DHRS7B: variants seen among roughly 807,000 people sequenced by gnomAD.
The protein encoded by DHRS7B is peroxisomal reductase activating PPAR-gamma.
In DHRS7B, 24 loss-of-function variants were observed where a neutral mutation model predicts 26.4. The observed-to-expected ratio is 0.91, with a 90% CI of 0.66 to 1.28. The LOEUF (loss-of-function observed/expected upper bound fraction) is 1.28, where lower values mean the gene tolerates loss of function less well. Among genes scored for constraint, DHRS7B ranks in the 50% most tolerant of loss-of-function variants. DHRS7B has a pLI of 0.00. For synonymous variants in DHRS7B, 142 were observed against 166.4 expected (o/e 0.85, Z 1.13); for missense variants, 368 against 419.4 (o/e 0.88, Z 1.07).
chr17:21,130,304 C>T (rs1291294510), intron 1 of DHRS7B, among the ~76,000 whole-genome samples: 3 of 152,080 alleles, frequency 2.0e-5, no homozygotes, highest in African/African-American at 4.8e-5. Flanking sequence ...GCAGGAGAAT[C>T]GCTTGAACTG....
rs1203224159 is a variant in DHRS7B at position 21,184,434 on chromosome 17, G to A, written c.590G>A (p.Gly197Asp). ...ATTGTCGCCATCAGCAGCATCCAGG[G>A]CAAGATGAGCATTCCTTTTCGATCA... is the stretch of plus-strand genomic sequence containing the variant. ...GHIVAISSIQ[G>D]KMSIPFRSAY... The change falls in exon 5 of 7, where the codon GGC becomes GAC. Residue 197 changes from glycine to aspartate, a missense_variant. Transcript: ENST00000395511. 3 of 1,614,190 alleles carry A rather than the reference G, an allele frequency of 1.9e-6. No individual in the cohort carries two copies. Among genetic ancestry groups the A allele is most frequent in the Non-Finnish European group, 2.5e-6 (3 of 1,180,044 alleles).
chr17:21,127,132 C>A, intron 1 of DHRS7B, 141 bp downstream of exon 1: 1 of 840,874 alleles, frequency 1.2e-6, no homozygotes, highest in Non-Finnish European at 1.7e-6. Flanking sequence ...TCCGGATCCC[C>A]GCGACGCCGA....
chr17:21,186,129 A>G (rs1481983178), intron 5 of DHRS7B, among the ~76,000 whole-genome samples: 1 of 152,230 alleles, frequency 6.6e-6, no homozygotes, highest in Admixed American at 6.5e-5. Context: ...CAGGCTGAAT[A>G]TGGAGTGCCT....
intron 1 of DHRS7B, among the ~76,000 whole-genome samples, chr17:21,141,100 T>A (rs781117730): frequency 6.6e-6 from 1 of 152,128 alleles, no homozygotes; most frequent in Non-Finnish European, 1.5e-5. Flanking sequence ...TATATGCGAT[T>A]CCTGGACGAG....
intron 1 of DHRS7B, chr17:21,168,623 C>A: frequency 2.9e-6 from 2 of 683,750 alleles, no homozygotes; most frequent in Non-Finnish European, 3.6e-6. Flanking sequence ...CCTACCTCAG[C>A]CTCCCAAAGT....
chr17:21,149,229 A>C (rs988306715), intron 1 of DHRS7B, among the ~76,000 whole-genome samples: 13 of 151,984 alleles, frequency 8.6e-5, no homozygotes, highest in Admixed American at 3.9e-4. Flanking sequence ...GAAAAAAAAA[A>C]CCTGCCATTC....
intron 2 of DHRS7B, among the ~76,000 whole-genome samples, chr17:21,176,460 C>T (rs1974381608): frequency 6.6e-6 from 1 of 152,074 alleles, no homozygotes; most frequent in East Asian, 2.0e-4. Flanking sequence ...AATTAGCCAG[C>T]CATGGTGGCG....
chr17:21,128,204 C>A (rs954922993), intron 1 of DHRS7B: 12 of 152,272 alleles, frequency 7.9e-5, no homozygotes, highest in Non-Finnish European at 1.5e-5. Context: ...ATTGCTTGAA[C>A]CTGGGAGACA....
At chr17:21,142,457 A>G (rs1423031186) in intron 1 of DHRS7B, among the ~76,000 whole-genome samples, 1 of 152,136 alleles carries the variant, frequency 6.6e-6, no homozygotes, top group Non-Finnish European at 1.5e-5. Context: ...CTGAGTATAA[A>G]ACAATATAAA....
chr17:21,187,523 G>T (rs1304834986), intron 5 of DHRS7B, among the ~76,000 whole-genome samples: 2 of 151,724 alleles, frequency 1.3e-5, no homozygotes, highest in Non-Finnish European at 2.9e-5. Flanking sequence ...CTACTCGGGA[G>T]GCTGAGGGAG....
At chr17:21,145,016 T>C (rs1973610547) in intron 1 of DHRS7B, among the ~76,000 whole-genome samples, 1 of 151,854 alleles carries the variant, frequency 6.6e-6, no homozygotes, top group African/African-American at 2.4e-5. Context: ...CCCACCACTC[T>C]AGTGGATTAA....
At chr17:21,148,140 C>T (rs1233835305) in intron 1 of DHRS7B, among the ~76,000 whole-genome samples, 2 of 151,864 alleles carry the variant, frequency 1.3e-5, no homozygotes, top group Non-Finnish European at 2.9e-5. Flanking sequence ...GTGTCAAACT[C>T]CTGGGCTCAA....
At chr17:21,166,338 G>A in intron 1 of DHRS7B, 5 of 985,410 alleles carry the variant, frequency 5.1e-6, no homozygotes, top group Non-Finnish European at 6.0e-6. Flanking sequence ...CACCCCACAG[G>A]CCACTCTGCC....
At position 21,178,385 on chromosome 17, in the gene DHRS7B, G is replaced by T. The variant is rs368561645; in HGVS notation, c.309+43G>T. ...TTTCCATGGGGAAGGAGTGCAGGCCGTCTTCTGTAGGCACTGAGGAGATAG... is the reference window on the plus strand; with the variant it reads ...TTTCCATGGGGAAGGAGTGCAGGCCTTCTTCTGTAGGCACTGAGGAGATAG... On this transcript the variant is annotated intron_variant, in intron 3 of 6. Coordinates refer to ENST00000395511, the MANE Select transcript of DHRS7B (RefSeq NM_015510.5). The T allele has an allele frequency of 2.6e-6, 4 of 1,517,838 alleles. No homozygotes were observed. In the East Asian group the frequency reaches 9.0e-5, roughly 34 times the overall value. 94.0% of individuals were successfully genotyped at this position (1,517,838 alleles called of 1,614,324 possible). A position where few individuals can be genotyped will look rare whatever the true frequency, so the allele number is the denominator to read the frequency against.
chr17:21,156,365 G>C (rs370992035), intron 1 of DHRS7B, among the ~76,000 whole-genome samples: 65 of 152,174 alleles, frequency 4.3e-4, no homozygotes, highest in Middle Eastern at 3.4e-3. Context: ...TAGCACTTTG[G>C]GAGGCAGAGG....
intron 2 of DHRS7B, among the ~76,000 whole-genome samples, chr17:21,175,220 A>T (rs918839783): frequency 6.6e-6 from 1 of 152,044 alleles, no homozygotes; most frequent in African/African-American, 2.4e-5. Context: ...CTTCCCTCAG[A>T]CCTCTCAGGA....
intron 1 of DHRS7B, among the ~76,000 whole-genome samples, chr17:21,161,936 G>A (rs1201472839): frequency 6.6e-6 from 1 of 151,952 alleles, no homozygotes; most frequent in Non-Finnish European, 1.5e-5. Context: ...TTTCAGGAGA[G>A]TTGTTATATA....
At chr17:21,171,745 C>A in intron 1 of DHRS7B, 2 of 567,166 alleles carry the variant, frequency 3.5e-6, no homozygotes, top group South Asian at 3.7e-5. Flanking sequence ...GTGACTATGT[C>A]CTAGGCTGAA....
intron 1 of DHRS7B, among the ~76,000 whole-genome samples, chr17:21,151,596 C>T (rs747040013): frequency 2.0e-5 from 3 of 151,552 alleles, no homozygotes; most frequent in South Asian, 4.2e-4. Flanking sequence ...TTCTTTGATA[C>T]ATCAGAGACA....
Sources: allele counts gnomAD v4.1 joint callset (sites outside exome capture counted in the v4.1 genomes callset), GRCh38; gene constraint gnomAD v4.1.1; transcripts MANE v1.5; gene names NCBI Gene and HGNC (gene_info 2026-07-23, HGNC 2026-07-21).